EFCAB7: variants seen among roughly 807,000 people sequenced by gnomAD.
EFCAB7 encodes the protein EF-hand calcium binding domain 7, also known as EF-hand calcium-binding domain-containing protein 7.
In EFCAB7, 66 loss-of-function variants were observed where a neutral mutation model predicts 77.1. The ratio of observed to expected loss-of-function variants is 0.86; its 90% confidence interval spans 0.70 to 1.05. EFCAB7 has a LOEUF of 1.05. Among genes scored for constraint, EFCAB7 ranks in the 50% least tolerant of loss-of-function variants. EFCAB7 has a pLI of 0.00. For missense variants in EFCAB7, 638 were observed against 730.5 expected, an observed-to-expected ratio of 0.87 and a Z score of 1.46; for synonymous variants, 225 against 243.3, an observed-to-expected ratio of 0.92 and a Z score of 0.70.
At chr1:63,561,568 T>G in intron 10 of EFCAB7, 141 bp from the exon 11 acceptor site, 1 of 470,550 alleles carries the variant, frequency 2.1e-6, no homozygotes, top group Non-Finnish European at 3.5e-6. Context: ...TTGAGCCATT[T>G]TTATTCCACT....
chr1:63,556,931 G>A (rs985378739), intron 9 of EFCAB7, among the ~76,000 whole-genome samples, 183 bp from the exon 10 acceptor site: 13 of 151,164 alleles, frequency 8.6e-5, no homozygotes, highest in South Asian at 2.1e-4. Context: ...CCAGCTACTC[G>A]GGAGGCTGAG....
At chr1:63,572,385 T>C in intron 13 of EFCAB7, 57 bp from the exon 14 acceptor site, 3 of 1,423,778 alleles carry the variant, frequency 2.1e-6, no homozygotes, top group Non-Finnish European at 2.9e-6. Flanking sequence ...GTTTAAAAAT[T>C]AGCCAAAAGT....
intron 6 of EFCAB7, among the ~76,000 whole-genome samples, chr1:63,543,414 G>A (rs2100890557): frequency 6.6e-6 from 1 of 152,022 alleles, no homozygotes; most frequent in East Asian, 1.9e-4. Flanking sequence ...AAAATATTTT[G>A]GATATAAAAT....
intron 9 of EFCAB7, 116 bp from the exon 10 acceptor site, chr1:63,556,998 A>G: frequency 2.6e-6 from 2 of 783,670 alleles, no homozygotes; most frequent in Non-Finnish European, 3.7e-6. Context: ...AGATCACGCC[A>G]CTGCACTCCA....
At position 63,531,912 on chromosome 1, in the gene EFCAB7, A is replaced by G; in HGVS notation, c.280A>G (p.Ile94Val). 3 of 1,613,294 alleles carry G rather than the reference A, an allele frequency of 1.9e-6. No individual in the cohort carries two copies. Among genetic ancestry groups the G allele is most frequent in the East Asian group, 4.5e-5 (2 of 44,768 alleles). The change falls in exon 3 of 14, where the codon ATA becomes GTA. Residue 94 changes from isoleucine to valine, a missense_variant. Ile to Val is a conservative substitution (Grantham distance 29). Transcript: ENST00000371088. ...CAAACTGAATTTTGATGATTTTTGT[A>G]TAATTTTAAGGAAGGAAAAACCTAC... ...TAKLNFDDFC[I>V]ILRKEKPTSK...
intron 8 of EFCAB7, among the ~76,000 whole-genome samples, chr1:63,554,489 G>A (rs1315984650): frequency 6.6e-6 from 1 of 152,056 alleles, no homozygotes; most frequent in Non-Finnish European, 1.5e-5. Context: ...ATAGGCGCCC[G>A]CCACCATGCC....
chr1:63,527,676 A>G (rs1646619182), intron 2 of EFCAB7, among the ~76,000 whole-genome samples: 1 of 152,218 alleles, frequency 6.6e-6, no homozygotes, highest in Non-Finnish European at 1.5e-5. Flanking sequence ...TAGAGATTAA[A>G]GTTAGTAGGA....
chr1:63,561,683 GA>G (rs762748148), intron 10 of EFCAB7, 25 bp from the exon 11 acceptor site: 1 of 1,510,072 alleles, frequency 6.6e-7, no homozygotes, highest in Non-Finnish European at 8.9e-7. Flanking sequence ...AATTATGTAA[GA>G]AAAAACTTTT....
rs554221595 is a variant in EFCAB7 at position 63,528,520 on chromosome 1, A to G, written c.187+2761A>G. 1.3e-5 allele frequency among the ~76,000 whole-genome samples: 2 copies of G among 152,188 alleles called. 1 individual carries two copies. Among genetic ancestry groups the G allele is most frequent in the South Asian group, 4.1e-4 (2 of 4,834 alleles). On this transcript the variant is annotated intron_variant, in intron 2 of 13. Transcript: ENST00000371088. ...AGTATTTAGCTAGCACAACAGGGTG[A>G]CACTAGTAAAAAAAATCATTTAAGT...
intron 7 of EFCAB7, chr1:63,547,347 C>T (rs1265875474): frequency 6.6e-6 from 1 of 152,004 alleles, no homozygotes; most frequent in Non-Finnish European, 1.5e-5. Context: ...TCCCTGCCCT[C>T]GTCAACTTAA....
chr1:63,549,732 C>CT (rs369947835), intron 7 of EFCAB7: 16 of 217,144 alleles, frequency 7.4e-5, no homozygotes, highest in South Asian at 2.6e-4. Context: ...CTTCCATTGT[C>CT]TTTTTTTTAA....
intron 5 of EFCAB7, 143 bp from the exon 6 acceptor site, chr1:63,533,952 T>C: frequency 1.1e-6 from 1 of 909,972 alleles, no homozygotes; most frequent in Non-Finnish European, 1.6e-6. Context: ...CTGATAAATA[T>C]AAAACTTCTG....
chr1:63,546,783 A>C (rs986683806), intron 7 of EFCAB7, among the ~76,000 whole-genome samples: 1 of 152,204 alleles, frequency 6.6e-6, no homozygotes. Context: ...ATGAAGCTGA[A>C]AGTATTTTTA....
chr1:63,569,128 A>G (rs1647203887), intron 12 of EFCAB7: 1 of 152,180 alleles, frequency 6.6e-6, no homozygotes, highest in Admixed American at 6.5e-5. Context: ...AAAACTTTAT[A>G]TAAGATGGCT....
chr1:63,547,638 A>G (rs959277992), intron 7 of EFCAB7: 7 of 152,248 alleles, frequency 4.6e-5, no homozygotes, highest in African/African-American at 1.7e-4. Flanking sequence ...TTCACTCATG[A>G]ATCAGTAGAT....
intron 2 of EFCAB7, chr1:63,529,790 A>G (rs1646662396): frequency 2.0e-5 from 3 of 152,104 alleles, no homozygotes; most frequent in South Asian, 2.1e-4. Flanking sequence ...GCTGGAGCAC[A>G]GTGGCTCAAT....
At chr1:63,546,658 A>G (rs10889431) in intron 7 of EFCAB7, among the ~76,000 whole-genome samples, 92,132 of 152,144 alleles carry the variant, frequency 0.61, 29,649 homozygotes, top group African/African-American at 0.82. Flanking sequence ...GTGAGCCACC[A>G]TGCCCAGCCA....
At chr1:63,566,236 T>G (rs962627048) in intron 11 of EFCAB7, among the ~76,000 whole-genome samples, 3 of 152,186 alleles carry the variant, frequency 2.0e-5, no homozygotes, top group Non-Finnish European at 2.9e-5. Context: ...CTTAGCAAAC[T>G]AATGCAGGAA....
At chr1:63,578,516 ACTGCAAGCT>A in the EFCAB7 span, among the ~76,000 whole-genome samples, 3 of 149,580 alleles carry the variant, frequency 2.0e-5, no homozygotes, top group Non-Finnish European at 4.4e-5. Flanking sequence ...ATCTCAGCTC[ACTGCAAGCT>A]CCGCCTCCCG....
Sources: gnomAD v4.1 joint callset for allele counts (sites outside exome capture counted in the v4.1 genomes callset) on GRCh38, gnomAD v4.1.1 for gene constraint, MANE v1.5 for transcripts, NCBI Gene and HGNC (gene_info 2026-07-23, HGNC 2026-07-21) for gene names.